Variants in AGAP5 observed in about 807,000 individuals in gnomAD.
AGAP5 encodes ArfGAP with GTPase domain, ankyrin repeat and PH domain 5.
AGAP5 carries 8 observed loss-of-function variants against 27.7 expected under a neutral mutation model. That is an observed-to-expected ratio of 0.29 (90% CI 0.17 to 0.52). The LOEUF is 0.52. Among genes scored for constraint, AGAP5 ranks in the 20% least tolerant of loss-of-function variants. AGAP5 has a pLI of 0.97. For synonymous variants in AGAP5, 111 were observed against 338.0 expected (o/e 0.33, Z 7.37); for missense variants, 285 against 880.8 (o/e 0.32, Z 8.56).
In AGAP5 at chr10:73,698,047, A is replaced by C; in HGVS notation, c.-292T>G. ...GTGAACCCAACAAGCGCTGAGAGAC[A>C]CAACAACTGCCTGAAGAGAGAACAG... is the stretch of plus-strand genomic sequence containing the variant. On this transcript the variant is annotated 5_prime_UTR_variant, in exon 1 of 8. Coordinates refer to ENST00000374094, the MANE Select transcript of AGAP5 (RefSeq NM_001144000.4). The C allele has an allele frequency of 7.2e-7, 1 of 1,381,918 alleles. No homozygotes were observed. Among genetic ancestry groups the C allele is most frequent in the Non-Finnish European group, 9.4e-7 (1 of 1,064,074 alleles). The allele number at this position is 1,381,918 out of a possible 1,614,324, so 85.6% of individuals were successfully genotyped here.
At chr10:73,689,034 C>A (rs555092791) in intron 4 of AGAP5, among the ~76,000 whole-genome samples, 1 of 152,196 alleles carries the variant, frequency 6.6e-6, no homozygotes, top group African/African-American at 2.4e-5. Context: ...CCTCTGATGC[C>A]CAGCCGAAGC....
chr10:73,690,469 T>A lies in AGAP5; in HGVS notation c.396+1574A>T, dbSNP rs373931603. Among the ~76,000 whole-genome samples, 5 of 152,218 alleles carry A rather than the reference T, an allele frequency of 3.3e-5. No homozygotes were observed. The East Asian group carries it at 7.7e-4, about 24-fold the overall frequency. On this transcript the variant is annotated intron_variant, in intron 4 of 7. Transcript: ENST00000374094. ...CTGAAGTACCCAGGGACACAAACAC[T>A]GCGGAAGGCCGCAGGGTCCTCTGCC...
At chr10:73,689,327 CG>C (rs1192924505) in intron 4 of AGAP5, among the ~76,000 whole-genome samples, 1 of 152,238 alleles carries the variant, frequency 6.6e-6, no homozygotes, top group African/African-American at 2.4e-5. Flanking sequence ...GGCGTGATCT[CG>C]GCTCGCTACA....
At chr10:73,696,193 T>G (rs1331277191) in intron 2 of AGAP5, among the ~76,000 whole-genome samples, 1 of 152,168 alleles carries the variant, frequency 6.6e-6, no homozygotes, top group African/African-American at 2.4e-5. Flanking sequence ...TTGTATTTTT[T>G]TTTTAGTAGA....
chr10:73,694,447 A>G (rs2082144451), intron 3 of AGAP5, among the ~76,000 whole-genome samples: 1 of 152,218 alleles, frequency 6.6e-6, no homozygotes, highest in African/African-American at 2.4e-5. Context: ...ATTAATTATA[A>G]ATAAAGATAA....
intron 4 of AGAP5, among the ~76,000 whole-genome samples, chr10:73,686,207 C>T (rs2082062540): frequency 6.6e-6 from 1 of 152,156 alleles, no homozygotes; most frequent in Non-Finnish European, 1.5e-5. Context: ...TAAAAATAGG[C>T]ACATACACCA....
chr10:73,674,776 G>T lies in AGAP5; in HGVS notation c.1884C>A (p.Leu628=). ...CATTCCCCTTGCGGCAGGCCAGATG[G>T]AGCGCCGTGCAGCCGTCTCCCTCCC... ...TCGEGDGCTA[L]HLACRKGNVV... The change falls in exon 8 of 8, where the codon CTC becomes CTA. Residue 628 remains leucine, a synonymous_variant. Transcript: ENST00000374094. The T allele has an allele frequency of 6.2e-7, 1 of 1,611,924 alleles. No homozygotes were observed. Among genetic ancestry groups the T allele is most frequent in the Non-Finnish European group, 8.5e-7 (1 of 1,179,822 alleles).
At position 73,675,030 on chromosome 10, in the gene AGAP5, A is replaced by C; in HGVS notation, c.1630T>G (p.Trp544Gly). 6.2e-7 allele frequency: 1 copy of C among 1,612,502 alleles called. No homozygotes were observed. The highest frequency in any genetic ancestry group is 1.1e-5 in the South Asian group (1 of 91,014). Residue 544 changes from tryptophan to glycine, a missense_variant, in exon 8 of 8, where the codon TGG becomes GGG. Physicochemically the swap from Trp to Gly is radical, Grantham distance 184 (BLOSUM62 -2). Transcript: ENST00000374094. ...SIGNDLANSI[W>G]EGSSQGQTKP... ...GTCTGCCCCTGGCTGCTCCCTTCCC[A>C]GATGCTGTTGGCTAGGTCATTGCCA...
chr10:73,679,159 T>C (rs1238865044), intron 6 of AGAP5, among the ~76,000 whole-genome samples: 2 of 148,864 alleles, frequency 1.3e-5, no homozygotes, highest in Admixed American at 6.7e-5. Context: ...CACCAGCTTA[T>C]TGCTTTTTTT....
chr10:73,689,820 G>A (rs1178342078), intron 4 of AGAP5, among the ~76,000 whole-genome samples: 10 of 150,944 alleles, frequency 6.6e-5, no homozygotes, highest in South Asian at 2.1e-4. Flanking sequence ...AGTGAGGAGC[G>A]TCTCCGCCTG....
chr10:73,690,061 G>A (rs1428367699), intron 4 of AGAP5, among the ~76,000 whole-genome samples: 1 of 152,208 alleles, frequency 6.6e-6, no homozygotes, highest in Non-Finnish European at 1.5e-5. Flanking sequence ...CCCCTACTGG[G>A]AAGTGAGGAG....
At chr10:73,678,012 G>C (rs1431029150) in intron 6 of AGAP5, among the ~76,000 whole-genome samples, 1 of 152,100 alleles carries the variant, frequency 6.6e-6, no homozygotes, top group Non-Finnish European at 1.5e-5. Context: ...AATGAGAAGT[G>C]CTTTTTTTTT....
chr10:73,689,468 G>A (rs1006248569), intron 4 of AGAP5, among the ~76,000 whole-genome samples: 7 of 147,230 alleles, frequency 4.8e-5, no homozygotes, highest in Non-Finnish European at 7.5e-5. Flanking sequence ...GATGTGAGGA[G>A]CCCCTCTGCC....
At chr10:73,692,368 A>G (rs982847443) in intron 3 of AGAP5, among the ~76,000 whole-genome samples, 2 of 152,248 alleles carry the variant, frequency 1.3e-5, no homozygotes, top group African/African-American at 4.8e-5. Flanking sequence ...AAATTTAGCT[A>G]ATAAAAAGTT....
At chr10:73,676,444 C>T (rs563603497) in intron 7 of AGAP5, among the ~76,000 whole-genome samples, 23 of 140,672 alleles carry the variant, frequency 1.6e-4, no homozygotes, top group East Asian at 9.9e-4. Flanking sequence ...CAAGATCGCG[C>T]GATTGCACTC....
chr10:73,682,797 G>C lies in AGAP5; in HGVS notation c.397-3C>G. 1 of 1,612,124 alleles carries C rather than the reference G, an allele frequency of 6.2e-7. No individual in the cohort carries two copies. Among genetic ancestry groups the C allele is most frequent in the Non-Finnish European group, 8.5e-7 (1 of 1,179,986 alleles). Reference sequence around the variant, plus strand: ...TGACTGAAACGCTCAGTAGATACCTGAAGGGGAAGGGAAGTGTAAGTCAAA... The same window carrying C: ...TGACTGAAACGCTCAGTAGATACCTCAAGGGGAAGGGAAGTGTAAGTCAAA... On this transcript the variant is annotated splice_region_variant and splice_polypyrimidine_tract_variant and intron_variant, in intron 4 of 7. Coordinates refer to ENST00000374094, the MANE Select transcript of AGAP5 (RefSeq NM_001144000.4).
intron 4 of AGAP5, among the ~76,000 whole-genome samples, chr10:73,688,282 A>G (rs2082081584): frequency 6.6e-6 from 1 of 152,222 alleles, no homozygotes; most frequent in Admixed American, 6.5e-5. Flanking sequence ...TTCTCAGAAG[A>G]AACTGAAATG....
chr10:73,689,001 C>A (rs1368986926), intron 4 of AGAP5, among the ~76,000 whole-genome samples: 1 of 152,192 alleles, frequency 6.6e-6, no homozygotes, highest in Non-Finnish European at 1.5e-5. Context: ...TCCGCCTCCG[C>A]CTCCGCCTCT....
chr10:73,695,963 C>T (rs2082158062), intron 2 of AGAP5, among the ~76,000 whole-genome samples: 1 of 152,208 alleles, frequency 6.6e-6, no homozygotes, highest in Admixed American at 6.5e-5. Context: ...TACCAGCTCC[C>T]ATCCCCTGCC....
Sources: gnomAD v4.1 joint callset for allele counts (sites outside exome capture counted in the v4.1 genomes callset) on GRCh38, gnomAD v4.1.1 for gene constraint, MANE v1.5 for transcripts, NCBI Gene and HGNC (gene_info 2026-07-23, HGNC 2026-07-21) for gene names.